Variants in TRHDE observed in about 807,000 individuals in gnomAD.
TRHDE encodes thyrotropin releasing hormone degrading enzyme.
A neutral mutation model predicts 125.7 loss-of-function variants in TRHDE; 72 were observed. That is an observed-to-expected ratio of 0.57 (90% CI 0.47 to 0.70). The LOEUF (loss-of-function observed/expected upper bound fraction) is 0.70. TRHDE is among the 30% of genes least tolerant of loss of function. TRHDE has a pLI of 0.00. For synonymous variants in TRHDE, 509 were observed against 509.1 expected (o/e 1.00, Z 0.00); for missense variants, 1,110 against 1,327.1 (o/e 0.84, Z 2.54).
intron 2 of TRHDE, among the ~76,000 whole-genome samples, chr12:72,129,449 A>T (rs571030884): frequency 6.6e-6 from 1 of 152,216 alleles, no homozygotes; most frequent in Non-Finnish European, 1.5e-5. Context: ...AACCTTCCTA[A>T]CACTCTGTAA....
chr12:72,246,108 G>A (rs770759985), intron 2 of TRHDE, among the ~76,000 whole-genome samples: 1 of 151,992 alleles, frequency 6.6e-6, no homozygotes, highest in African/African-American at 2.4e-5. Flanking sequence ...TTCTCAAGAA[G>A]GGATTCCTAT....
chr12:72,319,405 T>C (rs539573369), intron 2 of TRHDE, among the ~76,000 whole-genome samples: 1 of 152,174 alleles, frequency 6.6e-6, no homozygotes, highest in African/African-American at 2.4e-5. Context: ...TTGACTTTAA[T>C]CAACAACATG....
chr12:72,235,180 C>G (rs1450829213), intron 2 of TRHDE, among the ~76,000 whole-genome samples: 1 of 152,116 alleles, frequency 6.6e-6, no homozygotes, highest in African/African-American at 2.4e-5. Flanking sequence ...GCAGAAGCGA[C>G]AAATATAGAA....
At chr12:72,119,001 G>A (rs973077949) in intron 2 of TRHDE, among the ~76,000 whole-genome samples, 1 of 151,756 alleles carries the variant, frequency 6.6e-6, no homozygotes, top group East Asian at 1.9e-4. Context: ...GCTTTTTGAT[G>A]TGTTGATCTT....
intron 3 of TRHDE, among the ~76,000 whole-genome samples, chr12:72,388,907 CCTT>C (rs1368347782): frequency 1.3e-5 from 2 of 150,370 alleles, no homozygotes; most frequent in African/African-American, 4.9e-5. Context: ...CTCTTCTCCT[CCTT>C]GTTGTTTTTT....
intron 12 of TRHDE, among the ~76,000 whole-genome samples, chr12:72,605,862 A>C (rs1207888517): frequency 6.6e-6 from 1 of 152,136 alleles, no homozygotes; most frequent in Non-Finnish European, 1.5e-5. Context: ...ATCTTTTTGC[A>C]GCTGTAATTC....
chr12:72,313,085 A>T, intron 2 of TRHDE, among the ~76,000 whole-genome samples: 1 of 152,070 alleles, frequency 6.6e-6, no homozygotes, highest in Non-Finnish European at 1.5e-5. Flanking sequence ...AATTTTTTAT[A>T]GTTATTAGGT....
chr12:72,526,752 T>C (rs1250451490), intron 6 of TRHDE, among the ~76,000 whole-genome samples: 1 of 152,138 alleles, frequency 6.6e-6, no homozygotes, highest in East Asian at 1.9e-4. Flanking sequence ...TATCTGAGTT[T>C]TGTAGCCATG....
intron 3 of TRHDE, among the ~76,000 whole-genome samples, chr12:72,402,223 T>G (rs1235616312): frequency 6.6e-6 from 1 of 152,024 alleles, no homozygotes; most frequent in Non-Finnish European, 1.5e-5. Context: ...AGAATTGTTT[T>G]GGGTCACACA....
At chr12:72,490,613 A>G (rs549165440) in intron 5 of TRHDE, among the ~76,000 whole-genome samples, 1 of 151,830 alleles carries the variant, frequency 6.6e-6, no homozygotes, top group South Asian at 2.1e-4. Context: ...ATACACACAC[A>G]CACACACACA....
chr12:72,507,932 AG>A (rs1427578638), intron 6 of TRHDE, among the ~76,000 whole-genome samples: 1 of 152,210 alleles, frequency 6.6e-6, no homozygotes, highest in Admixed American at 6.5e-5. Flanking sequence ...AGTGGCTAAA[AG>A]GGGCCAAGGT....
rs765823198 is a variant in TRHDE at position 72,663,077 on chromosome 12, A to G, written c.3092A>G (p.Asp1031Gly). The change falls in exon 19 of 19, where the codon GAT (aspartate) becomes GGT (glycine). Residue 1031 changes from aspartate to glycine, a missense_variant. By Grantham distance (94) the Asp-to-Gly change is moderately conservative (BLOSUM62 -1). Coordinates refer to ENST00000261180, the MANE Select transcript of TRHDE (RefSeq NM_013381.3). The part of the protein sequence containing the change: ...KELKNFMKNY[D>G]GVAAASFSRA... ...CTCAAGAACTTCATGAAAAACTATGATGGGGTAGCTGCTGCTTCTTTCTCA... is the reference window on the plus strand; with the variant it reads ...CTCAAGAACTTCATGAAAAACTATGGTGGGGTAGCTGCTGCTTCTTTCTCA... 5 of 1,611,792 alleles carry G rather than the reference A, an allele frequency of 3.1e-6. No homozygotes were observed. Among genetic ancestry groups the G allele is most frequent in the Non-Finnish European group, 4.2e-6 (5 of 1,178,976 alleles).
chr12:72,493,439 A>C (rs1391193828), intron 5 of TRHDE, among the ~76,000 whole-genome samples: 1 of 151,956 alleles, frequency 6.6e-6, no homozygotes, highest in Non-Finnish European at 1.5e-5. Context: ...TAATTGGTGC[A>C]ATGTGTTTTG....
At chr12:72,353,804 A>G (rs1462082425) in intron 2 of TRHDE, among the ~76,000 whole-genome samples, 1 of 151,684 alleles carries the variant, frequency 6.6e-6, no homozygotes, top group African/African-American at 2.4e-5. Flanking sequence ...GAGAATGTGA[A>G]GACAAGGGGA....
At chr12:72,551,508 A>G (rs939290861) in intron 7 of TRHDE, among the ~76,000 whole-genome samples, 7 of 152,188 alleles carry the variant, frequency 4.6e-5, no homozygotes, top group Admixed American at 2.0e-4. Flanking sequence ...TGTGCTAACA[A>G]AACAAAATTA....
At chr12:72,135,560 T>C (rs925853980) in intron 2 of TRHDE, among the ~76,000 whole-genome samples, 1 of 152,112 alleles carries the variant, frequency 6.6e-6, no homozygotes, top group African/African-American at 2.4e-5. Context: ...TTTTTTTTTT[T>C]TTTTAACTAC....
At chr12:72,320,422 G>T (rs899377344) in intron 2 of TRHDE, among the ~76,000 whole-genome samples, 2 of 151,908 alleles carry the variant, frequency 1.3e-5, no homozygotes, top group Non-Finnish European at 1.5e-5. Flanking sequence ...AGGGAATAAT[G>T]GCATGAAAAA....
intron 15 of TRHDE, among the ~76,000 whole-genome samples, chr12:72,640,012 T>A (rs1173074029): frequency 6.6e-6 from 1 of 152,120 alleles, no homozygotes; most frequent in Non-Finnish European, 1.5e-5. Context: ...CAGGCCTCCT[T>A]GAGCTGTGGT....
chr12:72,385,488 C>G (rs1872371950), intron 3 of TRHDE, among the ~76,000 whole-genome samples: 1 of 152,042 alleles, frequency 6.6e-6, no homozygotes, highest in Admixed American at 6.5e-5. Context: ...CTGAAAAACC[C>G]TTCATAAGTT....
Sources: allele counts gnomAD v4.1 joint callset (sites outside exome capture counted in the v4.1 genomes callset), GRCh38; gene constraint gnomAD v4.1.1; transcripts MANE v1.5; gene names NCBI Gene and HGNC (gene_info 2026-07-23, HGNC 2026-07-21).